Variants in ZNF148 observed in about 807,000 individuals in gnomAD.
The protein encoded by ZNF148 is zinc finger protein 148.
ZNF148 carries 7 observed loss-of-function variants against 67.7 expected under a neutral mutation model. The observed-to-expected ratio is 0.10, with a 90% CI of 0.06 to 0.19. The LOEUF (loss-of-function observed/expected upper bound fraction) is 0.19, where lower values mean the gene tolerates loss of function less well. Ranked by LOEUF, ZNF148 falls within the 10% of genes least tolerant of loss-of-function variation. ZNF148 has a pLI of 1.00. For synonymous variants in ZNF148, 333 were observed against 330.7 expected (o/e 1.01, Z -0.08); for missense variants, 583 against 947.1 (o/e 0.62, Z 5.05).
intron 1 of ZNF148, among the ~76,000 whole-genome samples, chr3:125,340,122 G>A (rs1339160054): frequency 6.6e-6 from 1 of 152,196 alleles, no homozygotes; most frequent in Non-Finnish European, 1.5e-5. Context: ...CAAAAGAGCA[G>A]CAGAGTGTTT....
intron 7 of ZNF148, among the ~76,000 whole-genome samples, chr3:125,274,038 CG>C (rs1439540426): frequency 6.6e-6 from 1 of 152,060 alleles, no homozygotes; most frequent in Non-Finnish European, 1.5e-5. Context: ...AAAATGCTCA[CG>C]GGGTGAGAAG....
intron 1 of ZNF148, among the ~76,000 whole-genome samples, chr3:125,345,178 A>T (rs1281421556): frequency 6.6e-6 from 1 of 152,186 alleles, no homozygotes; most frequent in Non-Finnish European, 1.5e-5. Flanking sequence ...AAAAAACTTA[A>T]AAGAACTGAA....
chr3:125,263,893 T>C (rs1372358899), intron 7 of ZNF148, among the ~76,000 whole-genome samples: 1 of 152,174 alleles, frequency 6.6e-6, no homozygotes, highest in Non-Finnish European at 1.5e-5. Flanking sequence ...GCCTAGAAAT[T>C]TCAGCCCCAT....
rs1437324749 is a variant in ZNF148, at chr3:125,229,363, C to T, written c.*2978G>A. The T allele has an allele frequency of 6.6e-6, 1 of 152,098 alleles. No individual in the cohort carries two copies. The highest frequency in any genetic ancestry group is 1.5e-5 in the Non-Finnish European group (1 of 68,016). The allele number at this position is 152,098 out of a possible 1,614,324, so 9.4% of individuals were successfully genotyped here. ...TTCTTGACATAACTGCCTTCTGCCT[C>T]TTGAGATAAAAATGACCTGACCGAT... On this transcript the variant is annotated 3_prime_UTR_variant, in exon 9 of 9. Coordinates refer to ENST00000360647, the MANE Select transcript of ZNF148 (RefSeq NM_021964.3).
chr3:125,295,765 GT>G (rs1453466161), intron 4 of ZNF148, among the ~76,000 whole-genome samples: 9 of 152,138 alleles, frequency 5.9e-5, no homozygotes, highest in Admixed American at 2.6e-4. Context: ...ACTAACTACA[GT>G]ACAGAGCAGT....
At chr3:125,317,696 C>CAT (rs1421508871) in intron 3 of ZNF148, among the ~76,000 whole-genome samples, 1 of 52,524 alleles carries the variant, frequency 1.9e-5, no homozygotes, top group Non-Finnish European at 4.5e-5. Flanking sequence ...TATACACACA[C>CAT]ACATATATAT....
At chr3:125,332,344 T>A (rs1307480400) in intron 1 of ZNF148, among the ~76,000 whole-genome samples, 1 of 152,172 alleles carries the variant, frequency 6.6e-6, no homozygotes, top group African/African-American at 2.4e-5. Flanking sequence ...TTCCTCTCAA[T>A]TATGCAAAGT....
intron 5 of ZNF148, among the ~76,000 whole-genome samples, chr3:125,279,517 T>C (rs1938261922): frequency 6.6e-6 from 1 of 152,168 alleles, no homozygotes; most frequent in South Asian, 2.1e-4. Context: ...GTAATGCTTA[T>C]GCGTGATGGA....
chr3:125,291,466 T>C (rs1281969074), intron 4 of ZNF148, among the ~76,000 whole-genome samples: 1 of 152,078 alleles, frequency 6.6e-6, no homozygotes, highest in East Asian at 1.9e-4. Flanking sequence ...AGTCACATGT[T>C]CCTATCAATT....
chr3:125,264,163 T>A (rs777009904), intron 7 of ZNF148, among the ~76,000 whole-genome samples: 7 of 152,212 alleles, frequency 4.6e-5, no homozygotes, highest in Non-Finnish European at 8.8e-5. Flanking sequence ...TGTAATAAAA[T>A]GGTAAATGTA....
At chr3:125,361,100 G>A (rs888607855) in intron 1 of ZNF148, among the ~76,000 whole-genome samples, 4 of 151,958 alleles carry the variant, frequency 2.6e-5, no homozygotes, top group Non-Finnish European at 4.4e-5. Context: ...CTCAATTCCC[G>A]TGGCTCAATG....
chr3:125,369,096 T>C (rs1942789383), intron 1 of ZNF148, among the ~76,000 whole-genome samples: 2 of 151,312 alleles, frequency 1.3e-5, no homozygotes, highest in Admixed American at 6.6e-5. Context: ...ACCGTGTCTC[T>C]ACTTAAAATA....
At chr3:125,255,403 T>C (rs534990356) in intron 7 of ZNF148, among the ~76,000 whole-genome samples, 14 of 151,914 alleles carry the variant, frequency 9.2e-5, no homozygotes, top group Non-Finnish European at 2.1e-4. Context: ...TGCACCACCA[T>C]GCCTAGCTAA....
Position 125,232,624 on chromosome 3 carries a change from G to A in ZNF148, c.2102C>T (p.Ser701Leu). The change falls in exon 9 of 9, where the codon TCA (serine) becomes TTA (leucine). Residue 701 changes from serine (S) to leucine (L), a missense_variant. Physicochemically the swap from Ser to Leu is moderately radical, Grantham distance 145. Coordinates refer to ENST00000360647, the MANE Select transcript of ZNF148 (RefSeq NM_021964.3). This position sits in a 1 kb window ranked among gnomAD's most constrained non-coding sequence, Gnocchi z 4.2. ...GDETNHASATSTQDFLDQVTS... is the reference protein window; with the variant it reads ...GDETNHASATLTQDFLDQVTS... ...CACTTGATCCAGAAAGTCCTGTGTT[G>A]ATGTGGCAGAAGCATGGTTTGTCTC... 6.2e-7 allele frequency: 1 copy of A among 1,613,816 alleles called. No individual in the cohort carries two copies. Among genetic ancestry groups the A allele is most frequent in the Non-Finnish European group, 8.5e-7 (1 of 1,179,780 alleles).
At chr3:125,299,947 A>T (rs888381797) in intron 4 of ZNF148, among the ~76,000 whole-genome samples, 2 of 152,180 alleles carry the variant, frequency 1.3e-5, no homozygotes, top group Non-Finnish European at 2.9e-5. Context: ...TAATACGCTG[A>T]CGTAAAAAGG....
intron 1 of ZNF148, chr3:125,344,478 C>T: frequency 9.0e-7 from 1 of 1,113,752 alleles, no homozygotes. Context: ...TGGGTCCCTT[C>T]CACCAAAAAA....
In ZNF148 at chr3:125,232,226, A is replaced by G; in HGVS notation, c.*115T>C. 8.1e-7 allele frequency: 1 copy of G among 1,238,080 alleles called. No homozygotes were observed. Among genetic ancestry groups the G allele is most frequent in the East Asian group, 2.5e-5 (1 of 39,462 alleles). The allele number at this position is 1,238,080 out of a possible 1,614,324, so 76.7% of individuals were successfully genotyped here. Reference sequence around the variant, plus strand: ...TTATCTTGCTATTCATATCAGCTTAACTTGTTATTACGCATTGCTCTTAAA... The same window carrying G: ...TTATCTTGCTATTCATATCAGCTTAGCTTGTTATTACGCATTGCTCTTAAA... On this transcript the variant is annotated 3_prime_UTR_variant, in exon 9 of 9. Coordinates refer to ENST00000360647, the MANE Select transcript of ZNF148 (RefSeq NM_021964.3). This position sits in a 1 kb window ranked among gnomAD's most constrained non-coding sequence, Gnocchi z 4.2.
At position 125,286,446 on chromosome 3, in the gene ZNF148, T is replaced by C. The variant is rs114307412; in HGVS notation, c.459+1657A>G. On this transcript the variant is annotated intron_variant, in intron 5 of 8. Coordinates refer to ENST00000360647, the MANE Select transcript of ZNF148 (RefSeq NM_021964.3). ...GCAGACAGATACACCTCAGGTCCAC[T>C]GCAGGTAGAAGTGTAACTGGTATAA... 5.4e-3 allele frequency among the ~76,000 whole-genome samples: 820 copies of C among 152,300 alleles called. 6 individuals carry two copies. The highest frequency in any genetic ancestry group is 0.019 in the African/African-American group (774 of 41,562).
At chr3:125,296,111 C>T (rs1324770727) in intron 4 of ZNF148, among the ~76,000 whole-genome samples, 1 of 151,062 alleles carries the variant, frequency 6.6e-6, no homozygotes, top group African/African-American at 2.4e-5. Flanking sequence ...TCCCAGTATC[C>T]TATCTAAAGA....
Sources: allele counts gnomAD v4.1 joint callset (sites outside exome capture counted in the v4.1 genomes callset), GRCh38; gene constraint gnomAD v4.1.1; non-coding constraint Gnocchi (gnomAD v3.1); transcripts MANE v1.5; gene names NCBI Gene and HGNC (gene_info 2026-07-23, HGNC 2026-07-21).